Variants in MYBPC3 observed in about 807,000 individuals in gnomAD.
The protein encoded by MYBPC3 is myosin-binding protein C, cardiac-type.
Under a neutral mutation model 159.3 loss-of-function variants are expected in MYBPC3, and 108 were observed. That is an observed-to-expected ratio of 0.68 (90% CI 0.58 to 0.80). The LOEUF (loss-of-function observed/expected upper bound fraction) is 0.80. Ranked by LOEUF, MYBPC3 falls within the 30% of genes least tolerant of loss-of-function variation. The probability of loss-of-function intolerance (pLI) is 0.00; values close to 1 mark genes in which losing one functional copy is unlikely to be tolerated. For synonymous variants in MYBPC3, 730 were observed against 702.0 expected (o/e 1.04, Z -0.63); for missense variants, 1,631 against 1,762.1 (o/e 0.93, Z 1.33).
rs2095879157 is a variant in MYBPC3 at position 47,333,328 on chromosome 11, G to A, written c.3196C>T (p.Pro1066Ser). The A allele has an allele frequency of 6.4e-7, 1 of 1,574,444 alleles. No individual in the cohort carries two copies. Among genetic ancestry groups the A allele is most frequent in the Non-Finnish European group, 8.6e-7 (1 of 1,158,178 alleles). Residue 1066 changes from proline (P) to serine (S), a missense_variant, in exon 30 of 35, where the codon CCA becomes TCA. Transcript: ENST00000545968. The stretch of plus-strand genomic sequence containing the variant: ...ACCCGGAGATCCTGGGGAGGACTTG[G>A]CTTGTCTGCGGGAGACAGACCCAGT... ...ATLVLQVVDK[P>S]SPPQDLRVTD...
At position 47,351,770 on chromosome 11, in the gene MYBPC3, T is replaced by C. The variant is rs1157105558; in HGVS notation, c.26-265A>G. Among the ~76,000 whole-genome samples the C allele has an allele frequency of 1.3e-5, 2 of 152,160 alleles. No homozygotes were observed. The highest frequency in any genetic ancestry group is 4.8e-5 in the African/African-American group (2 of 41,428). On this transcript the variant is annotated intron_variant, in intron 1 of 34. Coordinates refer to ENST00000545968, the MANE Select transcript of MYBPC3 (RefSeq NM_000256.3). This position sits in a 1 kb window ranked among gnomAD's most constrained non-coding sequence, Gnocchi z 4.2. ...TGGTCCTGACCTCCCAACAAGACTT[T>C]TTCTGCATGTGTCCACTTTCCCTGC...
At chr11:47,331,746 G>A (rs2095875692) in intron 34 of MYBPC3, 30 bp from the exon 35 acceptor site, 1 of 1,231,098 alleles carries the variant, frequency 8.1e-7, no homozygotes, top group Non-Finnish European at 1.1e-6. Flanking sequence ...ACGAGTGAAT[G>A]GAGGGCCCCT....
chr11:47,347,371 G>T, intron 9 of MYBPC3, 55 bp downstream of exon 9: 2 of 1,555,588 alleles, frequency 1.3e-6, no homozygotes, highest in Non-Finnish European at 1.7e-6. Flanking sequence ...CCACAGTGCT[G>T]GGATTTGGAG....
In MYBPC3 at chr11:47,346,165, C is replaced by T; in HGVS notation, c.1090+42G>A. 2 of 1,610,868 alleles carry T rather than the reference C, an allele frequency of 1.2e-6. No homozygotes were observed. The highest frequency in any genetic ancestry group is 2.2e-5 in the South Asian group (2 of 90,558). On this transcript the variant is annotated intron_variant, in intron 12 of 34. Coordinates refer to ENST00000545968, the MANE Select transcript of MYBPC3 (RefSeq NM_000256.3). This position sits in a 1 kb window ranked among gnomAD's most constrained non-coding sequence, Gnocchi z 5.3. ...CTCTCCTCTCCTGTGTAGGGAAGGG[C>T]TAGCCTGTGCCCTCTCCTCTCCCCT...
chr11:47,333,667 T>C lies in MYBPC3; in HGVS notation c.3080A>G (p.Asp1027Gly), dbSNP rs996305080. Reference sequence around the variant, plus strand: ...AGCGGCCCGGATGAACAGGATGGTGTCTGTGGGGCTGTTGCGGATGCTCAC... The same window carrying C: ...AGCGGCCCGGATGAACAGGATGGTGCCTGTGGGGCTGTTGCGGATGCTCAC... Reference protein sequence around the residue: ...EEVSIRNSPTDTILFIRAARR... With the variant: ...EEVSIRNSPTGTILFIRAARR... The change falls in exon 29 of 35, where the codon GAC becomes GGC. Residue 1027 changes from aspartate to glycine, a missense_variant. Coordinates refer to ENST00000545968, the MANE Select transcript of MYBPC3 (RefSeq NM_000256.3). The C allele has an allele frequency of 6.2e-7, 1 of 1,611,146 alleles. No individual in the cohort carries two copies. The highest frequency in any genetic ancestry group is 1.7e-5 in the Admixed American group (1 of 60,006).
At position 47,335,312 on chromosome 11, in the gene MYBPC3, T is replaced by G. The variant is rs562791675; in HGVS notation, c.2738-103A>C. 80 of 932,258 alleles carry G rather than the reference T, an allele frequency of 8.6e-5. No homozygotes were observed. The East Asian group carries it at 2.3e-3, about 27-fold the overall frequency. The allele number at this position is 932,258 out of a possible 1,614,324, so 57.7% of individuals were successfully genotyped here. The stretch of plus-strand genomic sequence containing the variant: ...TAGGAATCTCCAGGATTTAAATATG[T>G]TTTTTTAAATTTTTATTTGTTTATT... On this transcript the variant is annotated intron_variant, in intron 26 of 34. Coordinates refer to ENST00000545968, the MANE Select transcript of MYBPC3 (RefSeq NM_000256.3).
rs1245181376 is a variant in MYBPC3, at chr11:47,337,478, C to G, written c.2515G>C (p.Gly839Arg). ...TAGACGCGCATCTCGTACACCACGC[C>G]CTCGATCATGCGCCGCGCTTCATGA... ...LSHEARRMIEGVVYEMRVYAV... is the reference protein window; with the variant it reads ...LSHEARRMIERVVYEMRVYAV... Residue 839 changes from glycine to arginine, a missense_variant, in exon 25 of 35, where the codon GGC (glycine) becomes CGC (arginine). Physicochemically the swap from Gly to Arg is moderately radical, Grantham distance 125. Coordinates refer to ENST00000545968, the MANE Select transcript of MYBPC3 (RefSeq NM_000256.3). 1 of 1,613,956 alleles carries G rather than the reference C, an allele frequency of 6.2e-7. No individual in the cohort carries two copies. The highest frequency in any genetic ancestry group is 1.7e-5 in the Admixed American group (1 of 60,020).
intron 6 of MYBPC3, among the ~76,000 whole-genome samples, 153 bp downstream of exon 6, chr11:47,348,271 T>A (rs1409645638): frequency 6.6e-6 from 1 of 152,058 alleles, no homozygotes; most frequent in Non-Finnish European, 1.5e-5. Flanking sequence ...AGCCTTGGGG[T>A]TTCTCTCACA....
chr11:47,333,541 G>C lies in MYBPC3; in HGVS notation c.3190+16C>G. 1 of 1,599,538 alleles carries C rather than the reference G, an allele frequency of 6.3e-7. No individual in the cohort carries two copies. The highest frequency in any genetic ancestry group is 8.5e-7 in the Non-Finnish European group (1 of 1,179,668). On this transcript the variant is annotated intron_variant, in intron 29 of 34. Transcript: ENST00000545968. ...GAAGGGAAACAAGGGGGCTCAAGGA[G>C]GCCTTGGCCACGCACCAACAACCTG...
chr11:47,341,895 A>G, intron 18 of MYBPC3, 96 bp downstream of exon 18: 1 of 1,470,892 alleles, frequency 6.8e-7, no homozygotes, highest in Non-Finnish European at 9.2e-7. Context: ...CTCTCTGTCC[A>G]CCTGTCTTTA....
In MYBPC3 at chr11:47,332,163, T is replaced by C. The variant is rs1565622343; in HGVS notation, c.3723A>G (p.Arg1241=). 1 of 1,613,818 alleles carries C rather than the reference T, an allele frequency of 6.2e-7. No homozygotes were observed. Among genetic ancestry groups the C allele is most frequent in the Admixed American group, 1.7e-5 (1 of 60,034 alleles). The change falls in exon 33 of 35, where the codon AGA becomes AGG. Residue 1241 remains arginine, a synonymous_variant. Transcript: ENST00000545968. The surrounding 1 kb of genome is among the most constrained non-coding windows in gnomAD (Gnocchi z 4.2). ...TGCCCCCGTCAAAGGGGCAGGGCTT[T>C]CTAATCTCCAGAGTCAACACTCCCT... ...SKQGVLTLEI[R]KPCPFDGGIY...
Position 47,331,998 on chromosome 11 carries a change from C to T in MYBPC3, c.3814+74G>A, listed in dbSNP as rs1029805189. ...AGGGCAGGTGCTTGGCCGAGGACAA[C>T]GGAGCAAAGCCCAGGGTCCCCACTG... On this transcript the variant is annotated intron_variant, in intron 33 of 34. Coordinates refer to ENST00000545968, the MANE Select transcript of MYBPC3 (RefSeq NM_000256.3). The T allele has an allele frequency of 8.2e-6, 13 of 1,593,850 alleles. No individual in the cohort carries two copies. In the East Asian group the frequency reaches 9.1e-5, roughly 11 times the overall value.
chr11:47,347,164 C>T lies in MYBPC3; in HGVS notation c.906-135G>A, dbSNP rs2095895144. 2.1e-6 allele frequency: 3 copies of T among 1,442,476 alleles called. No homozygotes were observed. In the South Asian group the frequency reaches 4.3e-5, roughly 21 times the overall value. The allele number at this position is 1,442,476 out of a possible 1,614,324, so 89.4% of individuals were successfully genotyped here. A position where few individuals can be genotyped will look rare whatever the true frequency, so the allele number is the denominator to read the frequency against. On this transcript the variant is annotated intron_variant, in intron 9 of 34. Coordinates refer to ENST00000545968, the MANE Select transcript of MYBPC3 (RefSeq NM_000256.3). Reference sequence around the variant, plus strand: ...GACCCTCTCTCTGTTCCTTCTGGGTCCCCGGAGTTTACGGAGGGAGCTTTT... The same window carrying T: ...GACCCTCTCTCTGTTCCTTCTGGGTTCCCGGAGTTTACGGAGGGAGCTTTT...
chr11:47,349,055 A>G (rs1353449107), intron 5 of MYBPC3, among the ~76,000 whole-genome samples: 1 of 151,014 alleles, frequency 6.6e-6, no homozygotes, highest in Non-Finnish European at 1.5e-5. Context: ...CTGCTGGCAC[A>G]TGGTTGTGGT....
In MYBPC3 at chr11:47,347,922, G is replaced by C; in HGVS notation, c.773-17C>G. 2 of 1,570,282 alleles carry C rather than the reference G, an allele frequency of 1.3e-6. No homozygotes were observed. The highest frequency in any genetic ancestry group is 1.7e-6 in the Non-Finnish European group (2 of 1,158,120). On this transcript the variant is annotated splice_polypyrimidine_tract_variant and intron_variant, in intron 6 of 34. Coordinates refer to ENST00000545968, the MANE Select transcript of MYBPC3 (RefSeq NM_000256.3). The stretch of plus-strand genomic sequence containing the variant: ...CCATGGCCTCTGGGTTCAAAGGGTG[G>C]AGAGATGGGGGAAGGGGCTTCAGAG...
At position 47,339,404 on chromosome 11, in the gene MYBPC3, C is replaced by T. The variant is rs1328916444; in HGVS notation, c.2068G>A (p.Gly690Arg). The part of the protein sequence containing the change: ...TVIWQKAITQ[G>R]NKAPARPAPD... ...GCTGGCCTGGCTGGGGCCTTATTCC[C>T]CTGGGAACAGGGCAGGAGGGAAGTA... Residue 690 changes from glycine (G) to arginine (R), a missense_variant and splice_region_variant, in exon 22 of 35, where the codon GGG becomes AGG. By Grantham distance (125) the Gly-to-Arg change is moderately radical. Transcript: ENST00000545968. 1.9e-6 allele frequency: 3 copies of T among 1,613,848 alleles called. No homozygotes were observed. Among genetic ancestry groups the T allele is most frequent in the Admixed American group, 1.7e-5 (1 of 60,004 alleles).
At chr11:47,334,984 A>G (rs976272620) in intron 27 of MYBPC3, 58 bp downstream of exon 27, 36 of 1,423,928 alleles carry the variant, frequency 2.5e-5, no homozygotes, top group Non-Finnish European at 3.1e-5. Flanking sequence ...CCTCCACTGG[A>G]CACCAAGGGC....
rs2095899393 is a variant in MYBPC3 at position 47,350,355 on chromosome 11, G to C, written c.406+147C>G. The C allele has an allele frequency of 2.2e-6, 3 of 1,357,184 alleles. No homozygotes were observed. In the East Asian group the frequency reaches 7.5e-5, roughly 34 times the overall value. 84.1% of individuals were successfully genotyped at this position (1,357,184 alleles called of 1,614,324 possible). On this transcript the variant is annotated intron_variant, in intron 3 of 34. Transcript: ENST00000545968. The stretch of plus-strand genomic sequence containing the variant: ...TTAGCCAGGATGGTCTCAATCTCCT[G>C]ACCTCATGATCCGCCCACCTCGGCC...
intron 27 of MYBPC3, 52 bp downstream of exon 27, chr11:47,334,990 A>T: frequency 1.4e-6 from 2 of 1,430,922 alleles, no homozygotes; most frequent in Non-Finnish European, 1.8e-6. Context: ...CTGGACACCA[A>T]GGGCCTGGGG....
Sources: gnomAD v4.1 joint callset for allele counts (sites outside exome capture counted in the v4.1 genomes callset) on GRCh38, gnomAD v4.1.1 for gene constraint, Gnocchi (gnomAD v3.1) non-coding constraint, MANE v1.5 for transcripts, NCBI Gene and HGNC (gene_info 2026-07-23, HGNC 2026-07-21) for gene names.